SLC35D1: variants seen among roughly 807,000 people sequenced by gnomAD.
SLC35D1 encodes nucleotide sugar transporter SLC35D1.
In SLC35D1, 31 loss-of-function variants were observed where a neutral mutation model predicts 46.7. The ratio of observed to expected loss-of-function variants is 0.66; its 90% CI spans 0.50 to 0.90. The LOEUF (loss-of-function observed/expected upper bound fraction) is 0.90, where lower values mean the gene tolerates loss of function less well. SLC35D1 is among the 40% of genes least tolerant of loss of function. The probability of loss-of-function intolerance (pLI) is 0.00; values close to 1 mark genes in which losing one functional copy is unlikely to be tolerated. For missense variants in SLC35D1, 397 were observed against 426.2 expected, an observed-to-expected ratio of 0.93 and a Z score of 0.60; for synonymous variants, 195 against 164.6, an observed-to-expected ratio of 1.18 and a Z score of -1.41.
chr1:66,996,354 A>G (rs1352233200), downstream of SLC35D1, among the ~76,000 whole-genome samples: 1 of 152,266 alleles, frequency 6.6e-6, no homozygotes, highest in African/African-American at 2.4e-5. Context: ...ATGAATGAAA[A>G]ATAACATTTG....
At chr1:67,012,539 C>A (rs1667587103) in intron 10 of SLC35D1, among the ~76,000 whole-genome samples, 1 of 38,252 alleles carries the variant, frequency 2.6e-5, no homozygotes, top group Non-Finnish European at 5.2e-5. Flanking sequence ...AATTAGACTC[C>A]TAAATCAAAA....
chr1:67,042,926 G>A (rs1027535150), intron 7 of SLC35D1, among the ~76,000 whole-genome samples: 15 of 152,096 alleles, frequency 9.9e-5, no homozygotes, highest in East Asian at 3.9e-4. Context: ...AGCCAGGCGC[G>A]GTGGCTCACG....
chr1:67,042,117 C>T, intron 8 of SLC35D1, 119 bp downstream of exon 8: 1 of 947,368 alleles, frequency 1.1e-6, no homozygotes, highest in Non-Finnish European at 1.7e-6. Flanking sequence ...AGAGTAAATG[C>T]TCAGTTTTTG....
chr1:67,052,166 T>C, intron 3 of SLC35D1, 87 bp from the exon 4 acceptor site: 2 of 986,522 alleles, frequency 2.0e-6, no homozygotes, highest in South Asian at 2.7e-5. Flanking sequence ...TTTGTTTATA[T>C]GATCAAAATT....
chr1:67,008,344 G>T, intron 11 of SLC35D1: 2 of 1,044,200 alleles, frequency 1.9e-6, no homozygotes, highest in Non-Finnish European at 2.6e-6. Context: ...TCACCATGTT[G>T]GCCAGGGTGG....
At chr1:67,045,667 C>A (rs182550937) in intron 7 of SLC35D1, among the ~76,000 whole-genome samples, 4 of 152,000 alleles carry the variant, frequency 2.6e-5, no homozygotes, top group African/African-American at 9.7e-5. Flanking sequence ...TTTCTAGATT[C>A]TAGGATATAC....
At chr1:67,046,651 T>G (rs1172973707) in intron 7 of SLC35D1, among the ~76,000 whole-genome samples, 1 of 152,218 alleles carries the variant, frequency 6.6e-6, no homozygotes, top group Non-Finnish European at 1.5e-5. Context: ...TAATGTAATC[T>G]CATAACGTAA....
intron 7 of SLC35D1, among the ~76,000 whole-genome samples, chr1:67,046,039 C>T (rs1434888456): frequency 2.0e-5 from 3 of 152,054 alleles, no homozygotes; most frequent in Middle Eastern, 3.2e-3. Context: ...TAAAATGTAA[C>T]CATCATATAG....
rs1163789231 is a variant in SLC35D1 at position 67,003,638 on chromosome 1, A to G, written c.*702T>C. On this transcript the variant is annotated 3_prime_UTR_variant, in exon 12 of 12. Coordinates refer to ENST00000235345, the MANE Select transcript of SLC35D1 (RefSeq NM_015139.3). ...TACTTAAAACATTTTAGTTGAATCA[A>G]TAAGTCAAATAGATGAAAAATTAGT... 1 of 152,936 alleles carries G rather than the reference A, an allele frequency of 6.5e-6. No individual in the cohort carries two copies. The highest frequency in any genetic ancestry group is 2.4e-5 in the African/African-American group (1 of 41,462). 9.5% of individuals were successfully genotyped at this position (152,936 alleles called of 1,614,324 possible). A position where few individuals can be genotyped will look rare whatever the true frequency, so the allele number is the denominator to read the frequency against.
At chr1:66,979,955 G>C in the SLC35D1 span, among the ~76,000 whole-genome samples, 1 of 151,776 alleles carries the variant, frequency 6.6e-6, no homozygotes, top group Non-Finnish European at 1.5e-5. Flanking sequence ...GTAGAGACAG[G>C]GTTTCTCCAT....
At chr1:66,982,025 T>A in the SLC35D1 span, 1 of 1,088,696 alleles carries the variant, frequency 9.2e-7, no homozygotes, top group Non-Finnish European at 1.4e-6. Flanking sequence ...GAGCAGAAAG[T>A]AAAAAATGAT....
the SLC35D1 span, chr1:66,981,793 G>A: frequency 5.0e-6 from 8 of 1,613,092 alleles, no homozygotes; most frequent in Non-Finnish European, 6.8e-6. Flanking sequence ...TACATGGATC[G>A]TCTTCTAGAC....
intron 11 of SLC35D1, among the ~76,000 whole-genome samples, chr1:67,006,823 C>A (rs12073258): frequency 6.6e-6 from 1 of 151,972 alleles, no homozygotes; most frequent in Non-Finnish European, 1.5e-5. Flanking sequence ...GCATTATACT[C>A]ACCAGTCAAG....
At chr1:67,023,603 C>T (rs1212931028) in intron 8 of SLC35D1, among the ~76,000 whole-genome samples, 3 of 151,302 alleles carry the variant, frequency 2.0e-5, no homozygotes, top group African/African-American at 7.3e-5. Flanking sequence ...CTCCTTCCTC[C>T]GCCTCCCGGG....
the SLC35D1 span, among the ~76,000 whole-genome samples, chr1:66,991,513 TA>T: frequency 6.6e-6 from 1 of 152,202 alleles, no homozygotes; most frequent in Non-Finnish European, 1.5e-5. Context: ...GTGACAAACT[TA>T]GGAAGTGTTT....
chr1:67,012,194 T>G (rs971789886), intron 10 of SLC35D1, among the ~76,000 whole-genome samples: 1 of 152,176 alleles, frequency 6.6e-6, no homozygotes, highest in African/African-American at 2.4e-5. Flanking sequence ...CAACCTTTGT[T>G]GCCTGGTTAG....
chr1:66,981,390 G>A, the SLC35D1 span, among the ~76,000 whole-genome samples: 1 of 152,094 alleles, frequency 6.6e-6, no homozygotes, highest in Non-Finnish European at 1.5e-5. Context: ...TTTAGGTATC[G>A]CCTTTAGGAG....
chr1:66,981,213 A>G, the SLC35D1 span, among the ~76,000 whole-genome samples: 1 of 152,212 alleles, frequency 6.6e-6, no homozygotes, highest in African/African-American at 2.4e-5. Flanking sequence ...GATTTAGAGA[A>G]GAAATGAGCT....
chr1:66,982,963 A>T, the SLC35D1 span, among the ~76,000 whole-genome samples: 1 of 152,258 alleles, frequency 6.6e-6, no homozygotes, highest in Non-Finnish European at 1.5e-5. Context: ...GGCTCAAGGG[A>T]GGCAGACAGT....
Sources: gnomAD v4.1 joint callset for allele counts (sites outside exome capture counted in the v4.1 genomes callset) on GRCh38, gnomAD v4.1.1 for gene constraint, MANE v1.5 for transcripts, NCBI Gene and HGNC (gene_info 2026-07-23, HGNC 2026-07-21) for gene names.